Variants in TMCO5A observed in about 807,000 individuals in gnomAD.
TMCO5A encodes the protein transmembrane and coiled-coil domain-containing protein 5A.
Under a neutral mutation model 42.3 loss-of-function variants are expected in TMCO5A, and 34 were observed. The observed-to-expected ratio is 0.80, with a 90% CI of 0.61 to 1.07. The LOEUF (loss-of-function observed/expected upper bound fraction) is 1.07, where lower values mean the gene tolerates loss of function less well. Among genes scored for constraint, TMCO5A ranks in the 50% least tolerant of loss-of-function variants. The probability of loss-of-function intolerance (pLI) is 0.00; values close to 1 mark genes in which losing one functional copy is unlikely to be tolerated. For missense variants in TMCO5A, 357 were observed against 327.9 expected, an observed-to-expected ratio of 1.09 and a Z score of -0.69; for synonymous variants, 131 against 115.6, an observed-to-expected ratio of 1.13 and a Z score of -0.86.
chr15:38,026,537 T>C, the TMCO5A span, among the ~76,000 whole-genome samples: 1 of 152,112 alleles, frequency 6.6e-6, no homozygotes, highest in Non-Finnish European at 1.5e-5. Flanking sequence ...TTTGGAAAAA[T>C]TGCAGCCTGA....
chr15:37,958,221 A>G (rs1890340147), intron 11 of TMCO5A, among the ~76,000 whole-genome samples: 1 of 152,232 alleles, frequency 6.6e-6, no homozygotes, highest in Non-Finnish European at 1.5e-5. Flanking sequence ...AAAGGCAACA[A>G]AAACCAAAAT....
chr15:38,028,197 CT>C, the TMCO5A span, among the ~76,000 whole-genome samples: 3 of 151,738 alleles, frequency 2.0e-5, no homozygotes, highest in African/African-American at 7.3e-5. Flanking sequence ...ACTTAGCCCC[CT>C]GTTTTCACTT....
At chr15:37,944,848 G>A (rs755169527) in intron 10 of TMCO5A, among the ~76,000 whole-genome samples, 31 of 152,002 alleles carry the variant, frequency 2.0e-4, no homozygotes, top group Non-Finnish European at 3.7e-4. Context: ...ACAGGACATA[G>A]CCTCATCTTT....
chr15:38,012,085 C>T, the TMCO5A span, among the ~76,000 whole-genome samples: 1 of 151,732 alleles, frequency 6.6e-6, no homozygotes, highest in Non-Finnish European at 1.5e-5. Flanking sequence ...GATCGCGCCA[C>T]TGCACTCCAC....
intron 6 of TMCO5A, 115 bp from the exon 7 acceptor site, chr15:37,941,034 T>C: frequency 2.3e-6 from 2 of 862,080 alleles, no homozygotes; most frequent in Admixed American, 2.0e-5. Flanking sequence ...TCAGGAGACG[T>C]GTGAAGTCAT....
At chr15:37,949,541 G>A (rs2140285140) in intron 11 of TMCO5A, among the ~76,000 whole-genome samples, 1 of 152,066 alleles carries the variant, frequency 6.6e-6, no homozygotes, top group Admixed American at 6.6e-5. Context: ...CAGAAATTGT[G>A]CACATAGCAA....
chr15:38,038,864 C>A, the TMCO5A span, among the ~76,000 whole-genome samples: 3 of 152,194 alleles, frequency 2.0e-5, no homozygotes, highest in African/African-American at 7.2e-5. Context: ...ATGTTATAAG[C>A]AGCACGACTT....
rs534316073 is a variant in TMCO5A at position 37,958,311 on chromosome 15, G to C, written c.669-8314G>C. ...CATCAGAGTGAACAGGCAACCTACA[G>C]AATGGGAGAAAATTTTTGCAATCTA... On this transcript the variant is annotated intron_variant, in intron 11 of 11. Transcript: ENST00000559502. Among the ~76,000 whole-genome samples, 9 of 152,146 alleles carry C rather than the reference G, an allele frequency of 5.9e-5. No individual in the cohort carries two copies. The South Asian group carries it at 1.9e-3, about 32-fold the overall frequency.
chr15:38,016,651 A>T, the TMCO5A span, among the ~76,000 whole-genome samples: 1 of 152,306 alleles, frequency 6.6e-6, no homozygotes, highest in African/African-American at 2.4e-5. Context: ...GGCAAAGTCT[A>T]GTCCCCAAGC....
the TMCO5A span, among the ~76,000 whole-genome samples, chr15:37,976,727 C>A: frequency 8.7e-5 from 13 of 150,082 alleles, no homozygotes; most frequent in Admixed American, 6.0e-4. Flanking sequence ...CTATGAAATT[C>A]TTGAAGTGAG....
chr15:38,038,551 A>G, the TMCO5A span, among the ~76,000 whole-genome samples: 7 of 151,894 alleles, frequency 4.6e-5, no homozygotes, highest in South Asian at 4.2e-4. Context: ...GACTACAGGC[A>G]CCCACCACCA....
chr15:37,971,589 G>A (rs1364246778), downstream of TMCO5A, among the ~76,000 whole-genome samples: 1 of 152,162 alleles, frequency 6.6e-6, no homozygotes, highest in African/African-American at 2.4e-5. Context: ...ATGTCAGGCT[G>A]CATATTTTCC....
chr15:37,991,904 C>A, the TMCO5A span, among the ~76,000 whole-genome samples: 1 of 151,972 alleles, frequency 6.6e-6, no homozygotes, highest in Non-Finnish European at 1.5e-5. Flanking sequence ...TATAAAAAAC[C>A]CTGGAAAACA....
intron 11 of TMCO5A, among the ~76,000 whole-genome samples, chr15:37,959,615 A>G (rs2140811327): frequency 6.6e-6 from 1 of 152,250 alleles, no homozygotes; most frequent in African/African-American, 2.4e-5. Context: ...ATGCTGAAAA[A>G]GCAATTGATA....
At position 37,942,197 on chromosome 15, in the gene TMCO5A, C is replaced by A; in HGVS notation, c.511C>A (p.Gln171Lys). ...EDQALYIKKYQETLKKIEEEL... is the reference protein window; with the variant it reads ...EDQALYIKKYKETLKKIEEEL... ...TCTTTGTTTCTCTTTGAAGAAGTACCAGGAAACGTTGAAGAAAATAGAAGA... is the reference window on the plus strand; with the variant it reads ...TCTTTGTTTCTCTTTGAAGAAGTACAAGGAAACGTTGAAGAAAATAGAAGA... Residue 171 changes from glutamine (Q) to lysine (K), a missense_variant, in exon 9 of 12, where the codon CAG becomes AAG. Transcript: ENST00000319669. 1 of 1,612,488 alleles carries A rather than the reference C, an allele frequency of 6.2e-7. No homozygotes were observed. The highest frequency in any genetic ancestry group is 8.5e-7 in the Non-Finnish European group (1 of 1,179,100).
chr15:38,013,243 T>G, the TMCO5A span, among the ~76,000 whole-genome samples: 1 of 152,280 alleles, frequency 6.6e-6, no homozygotes, highest in African/African-American at 2.4e-5. Context: ...TGCCTGTGGC[T>G]AGTACCACTT....
At chr15:37,990,842 A>G in the TMCO5A span, among the ~76,000 whole-genome samples, 3 of 152,148 alleles carry the variant, frequency 2.0e-5, no homozygotes, top group Non-Finnish European at 4.4e-5. Context: ...TCCTCAAGTT[A>G]TAATATTCTC....
intron 9 of TMCO5A, chr15:37,942,961 CTA>C (rs144647678): frequency 1.3e-4 from 21 of 158,626 alleles, no homozygotes; most frequent in East Asian, 3.6e-4. Context: ...TAGCCTCTCT[CTA>C]TATATATATA....
chr15:38,028,121 A>G, the TMCO5A span, among the ~76,000 whole-genome samples: 1 of 150,792 alleles, frequency 6.6e-6, no homozygotes, highest in Admixed American at 6.6e-5. Context: ...TGAAACCGCA[A>G]ATTAAGAAAA....
Sources: gnomAD v4.1 joint callset for allele counts (sites outside exome capture counted in the v4.1 genomes callset) on GRCh38, gnomAD v4.1.1 for gene constraint, MANE v1.5 for transcripts, NCBI Gene and HGNC (gene_info 2026-07-23, HGNC 2026-07-21) for gene names.